Variants in TSNARE1 observed in about 807,000 individuals in gnomAD.
TSNARE1 encodes the protein t-SNARE domain-containing protein 1.
A neutral mutation model predicts 62.0 loss-of-function variants in TSNARE1; 49 were observed. That is an observed-to-expected ratio of 0.79 (90% confidence interval 0.63 to 1.00). The LOEUF is 1.00. Among genes scored for constraint, TSNARE1 ranks in the 50% least tolerant of loss-of-function variants. TSNARE1 has a pLI of 0.00. For missense variants in TSNARE1, 755 were observed against 700.1 expected (o/e 1.08, Z -0.88); for synonymous variants, 328 against 294.4 (o/e 1.11, Z -1.17).
chr8:142,218,251 C>G (rs374628060), intron 13 of TSNARE1, among the ~76,000 whole-genome samples: 1 of 59,044 alleles, frequency 1.7e-5, no homozygotes, highest in Non-Finnish European at 3.5e-5. Flanking sequence ...TCAGTGTGAC[C>G]GGGATCAGGC....
intron 4 of TSNARE1, among the ~76,000 whole-genome samples, chr8:142,337,837 C>T (rs1015782597): frequency 1.1e-4 from 17 of 152,186 alleles, no homozygotes; most frequent in Non-Finnish European, 4.4e-5. Flanking sequence ...CCACGGCTGC[C>T]GCTGGAGCAC....
chr8:142,377,707 GC>G (rs1836449825), intron 1 of TSNARE1, among the ~76,000 whole-genome samples: 1 of 152,194 alleles, frequency 6.6e-6, no homozygotes, highest in Non-Finnish European at 1.5e-5. Context: ...AGCAGCACAG[GC>G]CCCTGCAAAA....
rs1429729356 is a variant in TSNARE1 at position 142,275,107 on chromosome 8, C to T, written c.1364-244G>A. ...AGGGAAGGGGACTCCTCAGTGCCCACACCAGGTGGGGCAGGAAGAGTCCAC... is the reference window on the plus strand; with the variant it reads ...AGGGAAGGGGACTCCTCAGTGCCCATACCAGGTGGGGCAGGAAGAGTCCAC... On this transcript the variant is annotated intron_variant, in intron 11 of 13. Transcript: ENST00000524325. The T allele has an allele frequency of 5.1e-6, 5 of 985,280 alleles. No individual in the cohort carries two copies. The East Asian group carries it at 4.5e-4, about 90-fold the overall frequency. 61.0% of individuals were successfully genotyped at this position (985,280 alleles called of 1,614,324 possible). A position where few individuals can be genotyped will look rare whatever the true frequency, so the allele number is the denominator to read the frequency against.
chr8:142,363,457 C>G (rs1038697433), intron 1 of TSNARE1, among the ~76,000 whole-genome samples: 2 of 152,162 alleles, frequency 1.3e-5, no homozygotes, highest in African/African-American at 4.8e-5. Flanking sequence ...CTCCCCAGCC[C>G]CATGAGCCTG....
chr8:142,285,638 G>A (rs1229582034), intron 10 of TSNARE1, among the ~76,000 whole-genome samples: 2 of 152,140 alleles, frequency 1.3e-5, no homozygotes, highest in African/African-American at 2.4e-5. Flanking sequence ...GTTGGTCAAT[G>A]AGCGGCTAAG....
intron 1 of TSNARE1, among the ~76,000 whole-genome samples, chr8:142,376,733 C>T (rs1299873364): frequency 4.6e-5 from 7 of 152,190 alleles, no homozygotes; most frequent in Non-Finnish European, 7.4e-5. Flanking sequence ...CACCCAGACA[C>T]GGGACTCCCA....
chr8:142,347,116 T>TG (rs1678134694), intron 2 of TSNARE1, among the ~76,000 whole-genome samples: 2 of 151,850 alleles, frequency 1.3e-5, no homozygotes, highest in South Asian at 2.1e-4. Flanking sequence ...TGGGCCCTGG[T>TG]GGGGGGAAGA....
At chr8:142,234,139 G>A (rs1168323096) in intron 12 of TSNARE1, among the ~76,000 whole-genome samples, 2 of 151,868 alleles carry the variant, frequency 1.3e-5, no homozygotes, top group African/African-American at 4.8e-5. Flanking sequence ...ATTCAGGGAA[G>A]GTTCCAAGAT....
intron 13 of TSNARE1, among the ~76,000 whole-genome samples, chr8:142,226,324 A>C (rs1816768634): frequency 6.6e-6 from 1 of 152,172 alleles, no homozygotes; most frequent in Non-Finnish European, 1.5e-5. Context: ...GCTTGCGCAT[A>C]CATGCAGCCT....
intron 1 of TSNARE1, among the ~76,000 whole-genome samples, chr8:142,380,892 G>A (rs116862452): frequency 2.0e-5 from 3 of 151,956 alleles, no homozygotes; most frequent in East Asian, 3.9e-4. Flanking sequence ...AATAATAAAG[G>A]GGGGGGAATG....
intron 12 of TSNARE1, among the ~76,000 whole-genome samples, chr8:142,266,448 A>G (rs2130438326): frequency 6.6e-6 from 1 of 152,314 alleles, no homozygotes; most frequent in East Asian, 1.9e-4. Flanking sequence ...TTATTTGGAT[A>G]GAATGTCTGT....
chr8:142,272,323 C>T (rs1180482272), intron 12 of TSNARE1, among the ~76,000 whole-genome samples: 25 of 151,450 alleles, frequency 1.7e-4, no homozygotes, highest in Non-Finnish European at 1.5e-5. Flanking sequence ...TACCCATCCA[C>T]CCGCCCGTCT....
chr8:142,387,585 GAT>G (rs1276232225), intron 1 of TSNARE1, among the ~76,000 whole-genome samples: 3 of 151,444 alleles, frequency 2.0e-5, no homozygotes, highest in Non-Finnish European at 4.4e-5. Flanking sequence ...AGAAACCAAA[GAT>G]ATTAAAAGAG....
chr8:142,374,347 C>T (rs1836152194), intron 1 of TSNARE1, among the ~76,000 whole-genome samples: 1 of 151,800 alleles, frequency 6.6e-6, no homozygotes, highest in Admixed American at 6.6e-5. Flanking sequence ...CTTCAGTTCA[C>T]TCACTGGGGA....
At chr8:142,262,402 C>T (rs1434199988) in intron 12 of TSNARE1, among the ~76,000 whole-genome samples, 1 of 152,124 alleles carries the variant, frequency 6.6e-6, no homozygotes, top group Non-Finnish European at 1.5e-5. Context: ...ATTTTCTCCA[C>T]AAATATTGTC....
At chr8:142,268,295 A>G (rs1172386979) in intron 12 of TSNARE1, among the ~76,000 whole-genome samples, 1 of 152,188 alleles carries the variant, frequency 6.6e-6, no homozygotes, top group Non-Finnish European at 1.5e-5. Context: ...CACTGTGGAG[A>G]CACATGGACC....
At chr8:142,398,271 C>G (rs1375180626) in intron 1 of TSNARE1, among the ~76,000 whole-genome samples, 21 of 151,484 alleles carry the variant, frequency 1.4e-4, no homozygotes, top group Admixed American at 9.9e-4. Flanking sequence ...AAAACACACC[C>G]CTAGCCCTGC....
At chr8:142,355,357 G>C (rs1384736290) in intron 1 of TSNARE1, among the ~76,000 whole-genome samples, 2 of 152,234 alleles carry the variant, frequency 1.3e-5, no homozygotes, top group Non-Finnish European at 2.9e-5. Context: ...GTGAAGTAAG[G>C]GGAAGAAGAG....
chr8:142,356,256 G>A (rs1015680960), intron 1 of TSNARE1, among the ~76,000 whole-genome samples: 1 of 152,196 alleles, frequency 6.6e-6, no homozygotes, highest in Non-Finnish European at 1.5e-5. Context: ...GCCCCACGCA[G>A]AGAGGCAGCA....
Sources: allele counts gnomAD v4.1 joint callset (sites outside exome capture counted in the v4.1 genomes callset), GRCh38; gene constraint gnomAD v4.1.1; transcripts MANE v1.5; gene names NCBI Gene and HGNC (gene_info 2026-07-23, HGNC 2026-07-21).